NLGN1: variants seen among roughly 807,000 people sequenced by gnomAD.
The protein encoded by NLGN1 is neuroligin-1.
In NLGN1, 12 loss-of-function variants were observed where a neutral mutation model predicts 65.5. That is an observed-to-expected ratio of 0.18 (90% CI 0.12 to 0.30). The LOEUF (loss-of-function observed/expected upper bound fraction) is 0.30, where lower values mean the gene tolerates loss of function less well. NLGN1 is among the 10% of genes least tolerant of loss of function. The pLI is 1.00. For missense variants in NLGN1, 750 were observed against 1,007.1 expected, an observed-to-expected ratio of 0.74 and a Z score of 3.46; for synonymous variants, 350 against 359.5, an observed-to-expected ratio of 0.97 and a Z score of 0.30.
chr3:173,946,640 T>A (rs940932259), intron 4 of NLGN1, among the ~76,000 whole-genome samples: 3 of 152,180 alleles, frequency 2.0e-5, no homozygotes, highest in Non-Finnish European at 4.4e-5. Context: ...ACATGTTGGA[T>A]CTTTTATATC....
At chr3:174,255,270 C>A (rs1021582629) in intron 4 of NLGN1, among the ~76,000 whole-genome samples, 1 of 151,892 alleles carries the variant, frequency 6.6e-6, no homozygotes, top group Non-Finnish European at 1.5e-5. Flanking sequence ...CCCATCTCTA[C>A]TAAAAATACA....
intron 1 of NLGN1, among the ~76,000 whole-genome samples, chr3:173,423,646 G>A (rs1227771148): frequency 6.6e-6 from 1 of 152,112 alleles, no homozygotes; most frequent in Non-Finnish European, 1.5e-5. Flanking sequence ...CACATCCAGG[G>A]CACACTAATG....
At chr3:173,601,464 T>C (rs1440896017) in intron 2 of NLGN1, among the ~76,000 whole-genome samples, 2 of 152,080 alleles carry the variant, frequency 1.3e-5, no homozygotes, top group South Asian at 2.1e-4. Context: ...TTGAGAATAA[T>C]ATATAATATT....
chr3:173,443,329 AT>A (rs1252624633), intron 2 of NLGN1, among the ~76,000 whole-genome samples: 1 of 94,706 alleles, frequency 1.1e-5, no homozygotes, highest in Non-Finnish European at 2.5e-5. Flanking sequence ...CTATATATAT[AT>A]ATACACTATG....
At chr3:174,270,803 A>T (rs911431168) in intron 4 of NLGN1, among the ~76,000 whole-genome samples, 10 of 151,900 alleles carry the variant, frequency 6.6e-5, no homozygotes, top group Admixed American at 6.6e-4. Flanking sequence ...AAGGAGAGTT[A>T]GCACATAGGA....
intron 4 of NLGN1, among the ~76,000 whole-genome samples, chr3:174,255,613 C>A (rs566286818): frequency 7.5e-6 from 1 of 133,830 alleles, no homozygotes; most frequent in South Asian, 2.7e-4. Context: ...AGAACTAAGT[C>A]TTTTTCTCTT....
intron 3 of NLGN1, among the ~76,000 whole-genome samples, chr3:173,675,344 C>A (rs763905974): frequency 6.6e-6 from 1 of 151,978 alleles, no homozygotes; most frequent in Admixed American, 6.6e-5. Flanking sequence ...CATTTCATTG[C>A]GCATATATCT....
intron 4 of NLGN1, among the ~76,000 whole-genome samples, chr3:174,163,914 T>C (rs1434981041): frequency 6.6e-6 from 1 of 152,064 alleles, no homozygotes; most frequent in Non-Finnish European, 1.5e-5. Context: ...TGTGTCTTTT[T>C]GGTAGAATGA....
intron 4 of NLGN1, among the ~76,000 whole-genome samples, chr3:174,272,646 T>G (rs1279420732): frequency 1.6e-4 from 23 of 145,308 alleles, no homozygotes; most frequent in African/African-American, 5.5e-4. Flanking sequence ...CAGATGATGA[T>G]ATGGATGGAT....
intron 4 of NLGN1, among the ~76,000 whole-genome samples, chr3:173,901,843 T>C (rs1737441029): frequency 6.6e-6 from 1 of 152,108 alleles, no homozygotes; most frequent in Non-Finnish European, 1.5e-5. Context: ...AAGGACGTAC[T>C]GCAGTTGCTG....
At chr3:173,584,454 CAAAAAAGATTTTTT>C (rs1449686209) in intron 2 of NLGN1, 1 of 94,542 alleles carries the variant, frequency 1.1e-5, no homozygotes, top group Non-Finnish European at 2.0e-5. Context: ...ACCCAGAATC[CAAAAAAGATTTTTT>C]AAAAAAGAAA....
rs562125987 is a variant in NLGN1, at chr3:173,489,646, T to C, written c.-321+54568T>C. On this transcript the variant is annotated intron_variant, in intron 2 of 6. Transcript: ENST00000457714. ...AATGGTATTTCTAGTTCTAGATCCC[T>C]GAGGAATCGCCACACTGACTTCCAC... Among the ~76,000 whole-genome samples the C allele has an allele frequency of 6.2e-3, 933 of 151,056 alleles. 9 individuals carry two copies. Among genetic ancestry groups the C allele is most frequent in the African/African-American group, 0.022 (892 of 40,322 alleles).
At chr3:173,671,640 A>G (rs1762465698) in intron 3 of NLGN1, among the ~76,000 whole-genome samples, 1 of 152,184 alleles carries the variant, frequency 6.6e-6, no homozygotes, top group Non-Finnish European at 1.5e-5. Flanking sequence ...ACTTTTGCAT[A>G]TACCTTACTC....
chr3:174,178,113 T>A (rs1729772892), intron 4 of NLGN1, among the ~76,000 whole-genome samples: 1 of 152,118 alleles, frequency 6.6e-6, no homozygotes. Context: ...AGTAGGAAGT[T>A]CATGACAAAG....
intron 4 of NLGN1, among the ~76,000 whole-genome samples, chr3:174,205,234 C>G (rs1036849461): frequency 6.6e-6 from 1 of 152,066 alleles, no homozygotes; most frequent in Non-Finnish European, 1.5e-5. Context: ...AAACAATACA[C>G]TTGAAGATTT....
chr3:173,783,998 T>G (rs1419734336), intron 3 of NLGN1, among the ~76,000 whole-genome samples: 2 of 152,186 alleles, frequency 1.3e-5, no homozygotes, highest in Non-Finnish European at 2.9e-5. Context: ...TATTTGATTA[T>G]GTAGCAGGTT....
chr3:173,569,490 T>C (rs1744272070), intron 2 of NLGN1, among the ~76,000 whole-genome samples: 1 of 151,974 alleles, frequency 6.6e-6, no homozygotes. Flanking sequence ...TTTTATTTTC[T>C]TAAAACAGTA....
At chr3:173,947,251 A>G (rs1046265236) in intron 4 of NLGN1, among the ~76,000 whole-genome samples, 3 of 151,496 alleles carry the variant, frequency 2.0e-5, no homozygotes, top group African/African-American at 7.3e-5. Flanking sequence ...CAAACTCCTT[A>G]CCTCCGGTGA....
In NLGN1 at chr3:173,977,746, C is replaced by T. The variant is rs7645415; in HGVS notation, c.646+169914C>T. Among the ~76,000 whole-genome samples, 1,240 of 152,012 alleles carry T rather than the reference C, an allele frequency of 8.2e-3. 18 individuals are homozygous for T. Among genetic ancestry groups the T allele is most frequent in the African/African-American group, 0.028 (1,173 of 41,472 alleles). ...TTAAGTTGGAGATGCCTTTAAGATA[C>T]CCAAGATGAGATGTAAAGTAGGCAG... On this transcript the variant is annotated intron_variant, in intron 4 of 6. Coordinates refer to ENST00000457714, the Ensembl canonical transcript of NLGN1.
Sources: gnomAD v4.1 joint callset for allele counts (sites outside exome capture counted in the v4.1 genomes callset) on GRCh38, gnomAD v4.1.1 for gene constraint, MANE v1.5 for transcripts, NCBI Gene and HGNC (gene_info 2026-07-23, HGNC 2026-07-21) for gene names.